The following CLVS1 variants were observed in gnomAD, a reference collection of about 807,000 sequenced individuals.
The protein encoded by CLVS1 is clavesin-1.
In CLVS1, 10 loss-of-function variants were observed where a neutral mutation model predicts 33.1. That is an observed-to-expected ratio of 0.30 (90% confidence interval 0.19 to 0.51). The LOEUF is 0.51. Among genes scored for constraint, CLVS1 ranks in the 20% least tolerant of loss-of-function variants. CLVS1 has a pLI of 0.97. For missense variants in CLVS1, 343 were observed against 433.4 expected (o/e 0.79, Z 1.85); for synonymous variants, 163 against 166.1 (o/e 0.98, Z 0.14).
intron 2 of CLVS1, among the ~76,000 whole-genome samples, chr8:61,273,725 C>A (rs1253794524): frequency 6.6e-6 from 1 of 152,248 alleles, no homozygotes; most frequent in African/African-American, 2.4e-5. Context: ...CAGAAAAGCG[C>A]AGTATTCGGG....
intron 2 of CLVS1, among the ~76,000 whole-genome samples, chr8:61,238,816 T>A (rs1286484860): frequency 6.6e-6 from 1 of 152,252 alleles, no homozygotes; most frequent in Admixed American, 6.5e-5. Context: ...ATTGAGGTAG[T>A]TTCTAATTTT....
intron 5 of CLVS1, among the ~76,000 whole-genome samples, chr8:61,496,296 T>G (rs1804261917): frequency 6.6e-6 from 1 of 152,150 alleles, no homozygotes; most frequent in Admixed American, 6.5e-5. Flanking sequence ...AGTATTTTCC[T>G]TTTCCACAGG....
intron 2 of CLVS1, among the ~76,000 whole-genome samples, chr8:61,247,640 A>G (rs1209605456): frequency 6.6e-6 from 1 of 152,002 alleles, no homozygotes; most frequent in African/African-American, 2.4e-5. Flanking sequence ...ACTTTTTAAT[A>G]GGGTTGTTTT....
chr8:61,417,663 T>C (rs946567487), intron 3 of CLVS1, among the ~76,000 whole-genome samples: 1 of 152,206 alleles, frequency 6.6e-6, no homozygotes, highest in African/African-American at 2.4e-5. Flanking sequence ...GAGAATCAGG[T>C]CAGAAAATAT....
At chr8:60,992,475 G>A in the CLVS1 span, among the ~76,000 whole-genome samples, 2 of 152,230 alleles carry the variant, frequency 1.3e-5, no homozygotes, top group African/African-American at 2.4e-5. Context: ...TCAGAAAGAC[G>A]TGGATGAGAC....
chr8:61,286,469 C>G (rs951172164), upstream of CLVS1, among the ~76,000 whole-genome samples: 24 of 152,300 alleles, frequency 1.6e-4, no homozygotes, highest in African/African-American at 5.3e-4. Context: ...TTTTGAATCT[C>G]TAAGTTTTAG....
intron 3 of CLVS1, among the ~76,000 whole-genome samples, chr8:61,404,502 TC>T (rs1356769622): frequency 6.6e-6 from 1 of 152,150 alleles, no homozygotes; most frequent in Non-Finnish European, 1.5e-5. Context: ...AGGTGAAAGA[TC>T]CAGTACAATT....
chr8:61,464,379 T>G (rs1817474442), intron 5 of CLVS1, among the ~76,000 whole-genome samples: 1 of 152,196 alleles, frequency 6.6e-6, no homozygotes, highest in Non-Finnish European at 1.5e-5. Context: ...AACTGATTAG[T>G]TGGCTTTCAG....
chr8:61,270,564 T>G (rs375915040), intron 2 of CLVS1, among the ~76,000 whole-genome samples: 42 of 149,432 alleles, frequency 2.8e-4, no homozygotes, highest in South Asian at 1.3e-3. Context: ...TTTTTCTATT[T>G]ATTGGAATAG....
chr8:61,168,990 T>G (rs1226908596), intron 2 of CLVS1, among the ~76,000 whole-genome samples: 1 of 152,242 alleles, frequency 6.6e-6, no homozygotes, highest in Non-Finnish European at 1.5e-5. Context: ...CCTGTGTACT[T>G]GCACCATATT....
At chr8:61,247,359 T>C in intron 2 of CLVS1, among the ~76,000 whole-genome samples, 1 of 152,216 alleles carries the variant, frequency 6.6e-6, no homozygotes, top group East Asian at 1.9e-4. Flanking sequence ...TTTAGCTCTT[T>C]GAGGGCTAAG....
chr8:61,349,765 T>A (rs6993580), intron 2 of CLVS1, among the ~76,000 whole-genome samples: 14,211 of 152,076 alleles, frequency 0.093, 2,172 homozygotes, highest in African/African-American at 0.32. Flanking sequence ...TCAGAAATAG[T>A]AATCCAGAAT....
At chr8:61,085,887 G>A (rs1805112989) in intron 1 of CLVS1, among the ~76,000 whole-genome samples, 1 of 151,628 alleles carries the variant, frequency 6.6e-6, no homozygotes, top group South Asian at 2.1e-4. Context: ...AGCCGGGTAT[G>A]GTGGCGGGCG....
intron 2 of CLVS1, among the ~76,000 whole-genome samples, chr8:61,340,834 A>G (rs1375892741): frequency 6.6e-6 from 1 of 152,210 alleles, no homozygotes; most frequent in African/African-American, 2.4e-5. Context: ...ATATTGTTTG[A>G]AAGCAAAAGG....
chr8:61,357,489 C>CTTTTATTTATTTATT (rs1462908906), intron 2 of CLVS1, among the ~76,000 whole-genome samples: 2 of 30,284 alleles, frequency 6.6e-5, no homozygotes, highest in Non-Finnish European at 1.5e-4. Flanking sequence ...TTTCCTTTTT[C>CTTTTATTTATTTATT]TTTTCTTTTT....
chr8:61,114,358 C>A (rs1344370004), intron 1 of CLVS1, among the ~76,000 whole-genome samples: 1 of 152,196 alleles, frequency 6.6e-6, no homozygotes, highest in Non-Finnish European at 1.5e-5. Flanking sequence ...AAAGCATCAT[C>A]TACAGCAAAT....
chr8:61,353,733 T>G (rs555141801), intron 2 of CLVS1, among the ~76,000 whole-genome samples: 33 of 141,938 alleles, frequency 2.3e-4, no homozygotes, highest in Admixed American at 8.4e-4. Context: ...AAAAAAAAAA[T>G]AAAGAAAGAA....
intron 2 of CLVS1, among the ~76,000 whole-genome samples, chr8:61,228,071 A>T (rs1465605285): frequency 6.6e-6 from 1 of 152,168 alleles, no homozygotes; most frequent in African/African-American, 2.4e-5. Context: ...AAGAGAAGTG[A>T]CTTTTTCTGA....
At chr8:61,059,733 C>T (rs893315968) in intron 1 of CLVS1, among the ~76,000 whole-genome samples, 3 of 151,082 alleles carry the variant, frequency 2.0e-5, no homozygotes, top group Non-Finnish European at 4.4e-5. Flanking sequence ...ATCACTGGAA[C>T]CTGGGAGGCG....
Sources: allele counts gnomAD v4.1 joint callset (sites outside exome capture counted in the v4.1 genomes callset), GRCh38; gene constraint gnomAD v4.1.1; transcripts MANE v1.5; gene names NCBI Gene and HGNC (gene_info 2026-07-23, HGNC 2026-07-21).